Variants in NAT1 observed in about 807,000 individuals in gnomAD.
NAT1 encodes N-acetyltransferase 1.
For synonymous variants in NAT1, 144 were observed against 122.6 expected, an observed-to-expected ratio of 1.17 and a Z score of -1.16; for missense variants, 400 against 339.2, an observed-to-expected ratio of 1.18 and a Z score of -1.41.
intron 2 of NAT1, among the ~76,000 whole-genome samples, chr8:18,198,300 A>G (rs1394932493): frequency 6.6e-6 from 1 of 152,222 alleles, no homozygotes; most frequent in Non-Finnish European, 1.5e-5. Flanking sequence ...AGAGAGGATG[A>G]TCATTAAGTT....
intron 2 of NAT1, among the ~76,000 whole-genome samples, chr8:18,204,259 G>A (rs2117303096): frequency 6.6e-6 from 1 of 152,120 alleles, no homozygotes; most frequent in South Asian, 2.1e-4. Context: ...ACATGTATCT[G>A]TGTCCTGAAT....
intron 2 of NAT1, among the ~76,000 whole-genome samples, chr8:18,220,563 T>G (rs1351446988): frequency 6.6e-6 from 1 of 151,904 alleles, no homozygotes; most frequent in Non-Finnish European, 1.5e-5. Context: ...GGGCATTTAT[T>G]TTTTTTTGGT....
intron 2 of NAT1, among the ~76,000 whole-genome samples, chr8:18,171,744 T>C (rs146322944): frequency 1.4e-4 from 22 of 152,292 alleles, no homozygotes; most frequent in African/African-American, 4.8e-4. Flanking sequence ...TTTAGAAACA[T>C]TGTGGAACAT....
rs1389255907 is a variant in NAT1, at chr8:18,222,898, G to A, written c.851G>A (p.Gly284Asp). ...CAGAGAAAGCTTGTGCCCAAACATGGTGATAGATTTTTTACTATTTAGAAT... is the reference window on the plus strand; with the variant it reads ...CAGAGAAAGCTTGTGCCCAAACATGATGATAGATTTTTTACTATTTAGAAT... ...SLQRKLVPKH[G>D]DRFFTI The change falls in exon 3 of 3, where the codon GGT becomes GAT. Residue 284 changes from glycine (G) to aspartate (D), a missense_variant. Coordinates refer to ENST00000307719, the MANE Select transcript of NAT1 (RefSeq NM_000662.8). The A allele has an allele frequency of 2.6e-6, 4 of 1,559,108 alleles. No individual in the cohort carries two copies. In the African/African-American group the frequency reaches 5.5e-5, roughly 21 times the overall value.
At chr8:18,171,516 A>G (rs541141907) in intron 2 of NAT1, among the ~76,000 whole-genome samples, 2 of 152,324 alleles carry the variant, frequency 1.3e-5, no homozygotes, top group African/African-American at 4.8e-5. Context: ...CAAGTTTCTG[A>G]ATCTGTTAAC....
chr8:18,203,368 G>A (rs767531312), intron 2 of NAT1, among the ~76,000 whole-genome samples: 10 of 152,174 alleles, frequency 6.6e-5, no homozygotes, highest in Non-Finnish European at 1.3e-4. Context: ...ATAGAAATGT[G>A]TTCAGAATCA....
rs190126042 is a variant in NAT1, at chr8:18,211,900, C to T, written c.-86+1720C>T. The stretch of plus-strand genomic sequence containing the variant: ...CTTGTAATTCTTCTAATCATTAATG[C>T]CAGAAATCTATGCAGCAGGCGTAGA... On this transcript the variant is annotated intron_variant, in intron 1 of 2. Transcript: ENST00000307719. 1.3e-3 allele frequency among the ~76,000 whole-genome samples: 199 copies of T among 152,266 alleles called. 2 individuals carry two copies. Among genetic ancestry groups the T allele is most frequent in the African/African-American group, 4.6e-3 (192 of 41,560 alleles).
At chr8:18,217,303 G>GTTCAT (rs1554476219) in intron 1 of NAT1, among the ~76,000 whole-genome samples, 2 of 151,982 alleles carry the variant, frequency 1.3e-5, no homozygotes, top group Non-Finnish European at 2.9e-5. Context: ...CATTATCAGG[G>GTTCAT]TTAATACTCA....
intron 2 of NAT1, among the ~76,000 whole-genome samples, chr8:18,183,844 G>A (rs963703066): frequency 2.0e-5 from 3 of 152,112 alleles, no homozygotes; most frequent in Admixed American, 6.6e-5. Context: ...CTTAAGGCTT[G>A]GAAAAAAATC....
intron 2 of NAT1, among the ~76,000 whole-genome samples, chr8:18,192,581 GA>G (rs1803041783): frequency 6.6e-6 from 1 of 152,142 alleles, no homozygotes; most frequent in Non-Finnish European, 1.5e-5. Flanking sequence ...CAAAGACTTG[GA>G]ACCAACCCAA....
intron 2 of NAT1, among the ~76,000 whole-genome samples, chr8:18,202,423 G>T (rs1398234768): frequency 6.6e-6 from 1 of 152,182 alleles, no homozygotes; most frequent in Non-Finnish European, 1.5e-5. Flanking sequence ...TATTGTGTCC[G>T]GAATTTATTC....
rs750957954 is a variant in NAT1 at position 18,223,487 on chromosome 8, C to T, written c.*567C>T. ...TCTTGTGTAGATCTGAGTTGAAATC[C>T]TGTGGACACTGGGCGAATTACTTTT... On this transcript the variant is annotated 3_prime_UTR_variant, in exon 3 of 3. Coordinates refer to ENST00000307719, the MANE Select transcript of NAT1 (RefSeq NM_000662.8). The T allele has an allele frequency of 1.6e-5, 2 of 123,660 alleles. No homozygotes were observed. The highest frequency in any genetic ancestry group is 4.1e-5 in the Non-Finnish European group (2 of 48,736). 7.7% of individuals were successfully genotyped at this position (123,660 alleles called of 1,614,324 possible).
At chr8:18,172,418 G>T (rs768085220) in intron 2 of NAT1, among the ~76,000 whole-genome samples, 33 of 152,188 alleles carry the variant, frequency 2.2e-4, no homozygotes, top group Admixed American at 8.5e-4. Context: ...CTGATCACTA[G>T]CTGGGTTGAT....
chr8:18,220,650 A>G (rs958655682), intron 2 of NAT1, among the ~76,000 whole-genome samples: 2 of 150,558 alleles, frequency 1.3e-5, no homozygotes, highest in African/African-American at 4.8e-5. Context: ...GTTGTTTTTC[A>G]TCTCTTGGTA....
At chr8:18,185,733 G>T (rs889109179) in intron 2 of NAT1, among the ~76,000 whole-genome samples, 7 of 151,784 alleles carry the variant, frequency 4.6e-5, no homozygotes, top group African/African-American at 1.7e-4. Flanking sequence ...AGATATTTTA[G>T]ATCTTTATTT....
upstream of NAT1, among the ~76,000 whole-genome samples, chr8:18,209,554 C>T (rs1429816860): frequency 6.6e-6 from 1 of 152,234 alleles, no homozygotes; most frequent in Non-Finnish European, 1.5e-5. Context: ...TAAAAAACAC[C>T]AGCATAAACA....
intron 2 of NAT1, among the ~76,000 whole-genome samples, chr8:18,195,087 G>C (rs1383042362): frequency 6.6e-6 from 1 of 152,094 alleles, no homozygotes; most frequent in African/African-American, 2.4e-5. Flanking sequence ...GTTTCCCCTT[G>C]GAGTTACAGG....
chr8:18,193,506 A>AATAT (rs373866185), intron 2 of NAT1, among the ~76,000 whole-genome samples: 1 of 132,484 alleles, frequency 7.5e-6, no homozygotes, highest in African/African-American at 3.4e-5. Flanking sequence ...ATATATATAT[A>AATAT]ATATATATAT....
At chr8:18,181,565 C>G (rs906242742) in intron 2 of NAT1, among the ~76,000 whole-genome samples, 7 of 152,062 alleles carry the variant, frequency 4.6e-5, no homozygotes, top group African/African-American at 1.4e-4. Flanking sequence ...ATTTCTTTCT[C>G]TTGTCTGATT....
Sources: allele counts gnomAD v4.1 joint callset (sites outside exome capture counted in the v4.1 genomes callset), GRCh38; gene constraint gnomAD v4.1.1; transcripts MANE v1.5; gene names NCBI Gene and HGNC (gene_info 2026-07-23, HGNC 2026-07-21).